ZRANB3: variants seen among roughly 807,000 people sequenced by gnomAD.
The protein encoded by ZRANB3 is DNA annealing helicase and endonuclease ZRANB3.
In ZRANB3, 125 loss-of-function variants were observed where a neutral mutation model predicts 133.8. The ratio of observed to expected loss-of-function variants is 0.93; its 90% CI spans 0.81 to 1.08. The LOEUF (loss-of-function observed/expected upper bound fraction) is 1.08. ZRANB3 is among the 50% of genes least tolerant of loss of function. ZRANB3 has a pLI of 0.00. For missense variants in ZRANB3, 1,229 were observed against 1,275.5 expected, an observed-to-expected ratio of 0.96 and a Z score of 0.56; for synonymous variants, 387 against 432.7, an observed-to-expected ratio of 0.89 and a Z score of 1.31.
intron 12 of ZRANB3, among the ~76,000 whole-genome samples, chr2:135,245,158 A>C (rs2105087877): frequency 6.6e-6 from 1 of 152,352 alleles, no homozygotes; most frequent in African/African-American, 2.4e-5. Flanking sequence ...ATGCTGTCAC[A>C]GGAAGTAAAC....
rs892303841 is a variant in ZRANB3 at position 135,230,753 on chromosome 2, C to G, written c.1714G>C (p.Glu572Gln). 5 of 1,613,592 alleles carry G rather than the reference C, an allele frequency of 3.1e-6. No homozygotes were observed. In the African/African-American group the frequency reaches 6.7e-5, roughly 22 times the overall value. ...AATTTCAATCTTTTCGTTTCAGGTT[C>G]AACATCACTTTCATAATCGATGATA... Reference protein sequence around the residue: ...RDIIDYESDVEPETKRLKLAA... With the variant: ...RDIIDYESDVQPETKRLKLAA... Residue 572 changes from glutamate to glutamine, a missense_variant, in exon 13 of 21, where the codon GAA becomes CAA. Glu to Gln is a conservative substitution (Grantham distance 29). Coordinates refer to ENST00000264159, the MANE Select transcript of ZRANB3 (RefSeq NM_032143.4).
At chr2:135,286,322 G>T (rs1681362593) in intron 8 of ZRANB3, among the ~76,000 whole-genome samples, 1 of 152,158 alleles carries the variant, frequency 6.6e-6, no homozygotes, top group Admixed American at 6.5e-5. Flanking sequence ...TTGCCACCCA[G>T]GCTGGAGTGC....
At chr2:135,497,255 T>C (rs1224638262) in intron 2 of ZRANB3, among the ~76,000 whole-genome samples, 2 of 150,906 alleles carry the variant, frequency 1.3e-5, no homozygotes, top group Non-Finnish European at 2.9e-5. Flanking sequence ...ACAATTTATA[T>C]GTAATGCAGA....
rs527327989 is a variant in ZRANB3, at chr2:135,227,828, T to G, written c.2142A>C (p.Thr714=). 9.5e-6 allele frequency: 15 copies of G among 1,574,598 alleles called. No homozygotes were observed. The African/African-American group carries it at 1.9e-4, about 20-fold the overall frequency. The stretch of plus-strand genomic sequence containing the variant: ...AAGACTTACCATTACCTGGCTGGGA[T>G]GTAAGTCCGTCTTCTTTCTCAATTT... ...TPKIEKEDGL[T]SQPGNEQWKS... is the part of the protein sequence containing the mutation. The change falls in exon 14 of 21, where the codon ACA becomes ACC. Residue 714 remains threonine (T), a synonymous_variant. Transcript: ENST00000264159.
chr2:135,401,917 T>C (rs1427472382), intron 2 of ZRANB3, among the ~76,000 whole-genome samples: 1 of 152,234 alleles, frequency 6.6e-6, no homozygotes, highest in African/African-American at 2.4e-5. Flanking sequence ...GTTTTGGCCA[T>C]AAAACCTCAA....
chr2:135,269,229 T>G (rs1680397334), intron 10 of ZRANB3, 88 bp from the exon 11 acceptor site: 1 of 1,088,048 alleles, frequency 9.2e-7, no homozygotes, highest in Non-Finnish European at 1.2e-6. Context: ...TGGAGAACAC[T>G]GAAGGACTTG....
chr2:135,309,731 C>T (rs1682882739), intron 8 of ZRANB3, among the ~76,000 whole-genome samples: 1 of 152,064 alleles, frequency 6.6e-6, no homozygotes, highest in Admixed American at 6.5e-5. Flanking sequence ...GTGAACGATA[C>T]TCTTTTCAGG....
chr2:135,206,597 T>C (rs1427843031), intron 19 of ZRANB3, among the ~76,000 whole-genome samples: 2 of 151,660 alleles, frequency 1.3e-5, no homozygotes, highest in African/African-American at 2.4e-5. Context: ...AATTAAGGAA[T>C]TGTAATTGTG....
intron 1 of ZRANB3, among the ~76,000 whole-genome samples, chr2:135,518,794 A>G (rs1295636674): frequency 6.6e-6 from 1 of 152,072 alleles, no homozygotes; most frequent in Admixed American, 6.5e-5. Flanking sequence ...CATATGCCAC[A>G]TTTTCAGCTG....
At chr2:135,264,470 CAA>C (rs201380002) in intron 12 of ZRANB3, among the ~76,000 whole-genome samples, 12 of 64,950 alleles carry the variant, frequency 1.8e-4, no homozygotes, top group Admixed American at 2.9e-4. Context: ...GACTCTGTCT[CAA>C]AAAAAAAAAA....
intron 2 of ZRANB3, among the ~76,000 whole-genome samples, chr2:135,448,431 T>C (rs1690126913): frequency 6.6e-6 from 1 of 152,234 alleles, no homozygotes; most frequent in African/African-American, 2.4e-5. Flanking sequence ...TTCAGTCTCT[T>C]TGTAAAGTAA....
intron 17 of ZRANB3, among the ~76,000 whole-genome samples, chr2:135,215,244 T>C (rs1034690404): frequency 1.3e-5 from 2 of 151,736 alleles, no homozygotes; most frequent in African/African-American, 4.8e-5. Flanking sequence ...ATTAATTTAA[T>C]TTTTGTTTTG....
chr2:135,344,794 G>A (rs1684843851), intron 6 of ZRANB3, among the ~76,000 whole-genome samples: 1 of 152,108 alleles, frequency 6.6e-6, no homozygotes, highest in African/African-American at 2.4e-5. Flanking sequence ...TTGAGTAACT[G>A]ATATGGAAAG....
chr2:135,246,876 C>G (rs1695824471), intron 12 of ZRANB3, among the ~76,000 whole-genome samples: 1 of 152,174 alleles, frequency 6.6e-6, no homozygotes, highest in African/African-American at 2.4e-5. Flanking sequence ...CCCTGTTTTT[C>G]ACCATAGCAA....
chr2:135,265,534 G>GT lies in ZRANB3; in HGVS notation c.1538dup (p.His513GlnfsTer9). The GT allele has an allele frequency of 6.2e-7, 1 of 1,611,270 alleles. No homozygotes were observed. The highest frequency in any genetic ancestry group is 8.5e-7 in the Non-Finnish European group (1 of 1,178,778). On this transcript the variant is annotated frameshift_variant and splice_region_variant, in exon 12 of 21. Transcript: ENST00000264159. LOFTEE classifies it high-confidence loss of function. ...AAAAGAGTAAGGCATATAATCTTAC[G>GT]TGAGTGAACAAAGCTTCCTTCCTTA...
intron 3 of ZRANB3, among the ~76,000 whole-genome samples, chr2:135,365,225 C>T (rs1685872937): frequency 6.6e-6 from 1 of 152,132 alleles, no homozygotes; most frequent in Non-Finnish European, 1.5e-5. Context: ...CAGGATTGCA[C>T]CACTGCACTC....
intron 1 of ZRANB3, among the ~76,000 whole-genome samples, chr2:135,526,712 T>C (rs1049219935): frequency 6.6e-6 from 1 of 152,176 alleles, no homozygotes; most frequent in Admixed American, 6.5e-5. Flanking sequence ...GTGAATCCCC[T>C]TCCCCCTTTG....
At chr2:135,297,604 T>C (rs1682206008) in intron 8 of ZRANB3, among the ~76,000 whole-genome samples, 1 of 152,204 alleles carries the variant, frequency 6.6e-6, no homozygotes, top group Admixed American at 6.5e-5. Context: ...TCTCCAGCAC[T>C]ACCCAGTGAG....
intron 8 of ZRANB3, among the ~76,000 whole-genome samples, chr2:135,300,157 A>G (rs1357408794): frequency 6.6e-6 from 1 of 152,228 alleles, no homozygotes; most frequent in Non-Finnish European, 1.5e-5. Flanking sequence ...ACAAGATTTC[A>G]TACTGCATAC....
Sources: allele counts gnomAD v4.1 joint callset (sites outside exome capture counted in the v4.1 genomes callset), GRCh38; gene constraint gnomAD v4.1.1; transcripts MANE v1.5; gene names NCBI Gene and HGNC (gene_info 2026-07-23, HGNC 2026-07-21).